AKAP8L: variants seen among roughly 807,000 people sequenced by gnomAD.
AKAP8L encodes A-kinase anchor protein 8-like.
Under a neutral mutation model 77.5 loss-of-function variants are expected in AKAP8L, and 34 were observed. The ratio of observed to expected loss-of-function variants is 0.44; its 90% CI spans 0.33 to 0.58. The LOEUF (loss-of-function observed/expected upper bound fraction) is 0.58. AKAP8L is among the 20% of genes least tolerant of loss of function. AKAP8L has a pLI of 0.02. For synonymous variants in AKAP8L, 342 were observed against 340.7 expected (o/e 1.00, Z -0.04); for missense variants, 806 against 887.6 (o/e 0.91, Z 1.17).
Position 15,397,915 on chromosome 19 carries a change from G to GCCTCAC in AKAP8L, c.1158-66_1158-61dup. The GCCTCAC allele has an allele frequency of 1.3e-6, 2 of 1,573,566 alleles. No individual in the cohort carries two copies. The highest frequency in any genetic ancestry group is 1.7e-6 in the Non-Finnish European group (2 of 1,159,556). On this transcript the variant is annotated intron_variant, in intron 9 of 13. Transcript: ENST00000397410. The surrounding 1 kb of genome is among the most constrained non-coding windows in gnomAD (Gnocchi z 4.7). Reference sequence around the variant, plus strand: ...AAGTGTCCCAGGGGATAGTGCTGCCGCCTCACCCAACCCAGACACAAGCCC... The same window carrying GCCTCAC: ...AAGTGTCCCAGGGGATAGTGCTGCCGCCTCACCCTCACCCAACCCAGACACAAGCCC...
chr19:15,412,137 G>A (rs928600921), intron 1 of AKAP8L, among the ~76,000 whole-genome samples: 2 of 152,190 alleles, frequency 1.3e-5, no homozygotes, highest in Admixed American at 6.6e-5. Context: ...GAACCCAGGA[G>A]GCAGAGGTTG....
chr19:15,397,420 C>T lies in AKAP8L; in HGVS notation c.1405+100G>A. 1 of 1,486,300 alleles carries T rather than the reference C, an allele frequency of 6.7e-7. No homozygotes were observed. The highest frequency in any genetic ancestry group is 9.3e-7 in the Non-Finnish European group (1 of 1,080,652). The allele number at this position is 1,486,300 out of a possible 1,614,324, so 92.1% of individuals were successfully genotyped here. On this transcript the variant is annotated intron_variant, in intron 11 of 13. Coordinates refer to ENST00000397410, the MANE Select transcript of AKAP8L (RefSeq NM_014371.4). This position sits in a 1 kb window ranked among gnomAD's most constrained non-coding sequence, Gnocchi z 4.7. ...GCCTGAGCCAAGGCTGGTCTCCTGA[C>T]CTTCCCTGGGGGAACAGAAGGGTGT...
rs1367852181 is a variant in AKAP8L, at chr19:15,380,311, G to T, written c.1752C>A (p.Gly584=). 7 of 1,532,238 alleles carry T rather than the reference G, an allele frequency of 4.6e-6. No individual in the cohort carries two copies. The Admixed American group carries it at 1.4e-4, about 31-fold the overall frequency. The allele number at this position is 1,532,238 out of a possible 1,614,324, so 94.9% of individuals were successfully genotyped here. Residue 584 remains glycine, a synonymous_variant, in exon 14 of 14, where the codon GGC becomes GGA. Transcript: ENST00000397410. The part of the protein sequence containing the change: ...EAAGISEGAE[G]VPAQPPVPPE... ...GGGGCACGGGAGGCTGCGCCGGCAC[G>T]CCCTCTGCGCCCTCCGAGATCCCTG... is the stretch of plus-strand genomic sequence containing the variant.
Position 15,380,088 on chromosome 19 carries a change from C to T in AKAP8L, c.*34G>A. Reference sequence around the variant, plus strand: ...CTTTATTAGGTTTGGTTTCCAGCTTCGGCCACGCGGGCTCCGCCCGCCCCG... The same window carrying T: ...CTTTATTAGGTTTGGTTTCCAGCTTTGGCCACGCGGGCTCCGCCCGCCCCG... On this transcript the variant is annotated 3_prime_UTR_variant, in exon 14 of 14. Coordinates refer to ENST00000397410, the MANE Select transcript of AKAP8L (RefSeq NM_014371.4). 1 of 1,449,760 alleles carries T rather than the reference C, an allele frequency of 6.9e-7. No individual in the cohort carries two copies. Among genetic ancestry groups the T allele is most frequent in the South Asian group, 1.3e-5 (1 of 74,084 alleles). 89.8% of individuals were successfully genotyped at this position (1,449,760 alleles called of 1,614,324 possible). A position where few individuals can be genotyped will look rare whatever the true frequency, so the allele number is the denominator to read the frequency against.
At chr19:15,400,042 C>G in intron 8 of AKAP8L, 2 of 560,600 alleles carry the variant, frequency 3.6e-6, no homozygotes, top group Non-Finnish European at 6.3e-6. Flanking sequence ...ACTAGCTGCC[C>G]CCATCTGAAG....
At chr19:15,394,513 G>C (rs1051438274) in intron 12 of AKAP8L, among the ~76,000 whole-genome samples, 27 of 152,104 alleles carry the variant, frequency 1.8e-4, no homozygotes, top group African/African-American at 5.5e-4. Context: ...CTGTGAATAC[G>C]TGAAAAACCA....
chr19:15,380,729 C>G (rs1465330633), intron 12 of AKAP8L, 117 bp from the exon 13 acceptor site: 16 of 850,346 alleles, frequency 1.9e-5, no homozygotes, highest in Non-Finnish European at 3.0e-5. Context: ...CACTTCCAGC[C>G]CCACCAACGG....
intron 12 of AKAP8L, among the ~76,000 whole-genome samples, chr19:15,386,801 A>C (rs933374735): frequency 4.6e-5 from 7 of 152,194 alleles, no homozygotes; most frequent in African/African-American, 1.7e-4. Flanking sequence ...TGGGATTACA[A>C]GTGCCCGCCA....
intron 1 of AKAP8L, 68 bp downstream of exon 1, chr19:15,418,843 T>A (rs1324163990): frequency 6.6e-7 from 1 of 1,507,792 alleles, no homozygotes; most frequent in African/African-American, 1.4e-5. Flanking sequence ...CGGGCAAGCC[T>A]GGTGCGGCAT....
intron 1 of AKAP8L, among the ~76,000 whole-genome samples, chr19:15,411,835 G>T (rs977436982): frequency 3.9e-5 from 6 of 151,984 alleles, no homozygotes; most frequent in African/African-American, 1.4e-4. Context: ...GGGTGGACTG[G>T]TTGAGGCCAG....
chr19:15,416,523 A>AG (rs1236577930), intron 1 of AKAP8L, among the ~76,000 whole-genome samples: 1 of 152,206 alleles, frequency 6.6e-6, no homozygotes, highest in Non-Finnish European at 1.5e-5. Context: ...GTCACCTTGG[A>AG]GGTGGGACCT....
chr19:15,416,001 A>T (rs1053446797), intron 1 of AKAP8L, among the ~76,000 whole-genome samples: 4 of 151,966 alleles, frequency 2.6e-5, no homozygotes, highest in African/African-American at 7.3e-5. Flanking sequence ...TTTTATTTTT[A>T]ATTTTTATAG....
At position 15,397,524 on chromosome 19, in the gene AKAP8L, G is replaced by T. The variant is rs1175601679; in HGVS notation, c.1401C>A (p.Thr467=). 1 of 1,612,468 alleles carries T rather than the reference G, an allele frequency of 6.2e-7. No individual in the cohort carries two copies. Among genetic ancestry groups the T allele is most frequent in the Non-Finnish European group, 8.5e-7 (1 of 1,179,268 alleles). The change falls in exon 11 of 14, where the codon ACC becomes ACA. Residue 467 remains threonine (T), a synonymous_variant. Transcript: ENST00000397410. The surrounding 1 kb of genome is among the most constrained non-coding windows in gnomAD (Gnocchi z 4.7). ...IQQIYRDQDL[T]QEIAMEHFVK... is the part of the protein sequence containing the mutation. ...GTGGGCTGAAAATCTCCTCACCCTG[G>T]GTCAGATCCTGGTCTCTGTAGATTT...
intron 2 of AKAP8L, among the ~76,000 whole-genome samples, chr19:15,409,669 A>C (rs1169138707): frequency 6.6e-6 from 1 of 152,220 alleles, no homozygotes; most frequent in Admixed American, 6.5e-5. Flanking sequence ...CAGCTTTAAC[A>C]GCAGTCCGGG....
chr19:15,387,306 G>A (rs1242169075), intron 12 of AKAP8L, among the ~76,000 whole-genome samples: 1 of 152,142 alleles, frequency 6.6e-6, no homozygotes, highest in Non-Finnish European at 1.5e-5. Flanking sequence ...GTGAGAGCAC[G>A]GCCTTAAATC....
chr19:15,414,561 T>TCA (rs1727695366), intron 1 of AKAP8L, among the ~76,000 whole-genome samples: 4 of 152,146 alleles, frequency 2.6e-5, no homozygotes, highest in African/African-American at 9.6e-5. Flanking sequence ...CGATCTTGGC[T>TCA]CACTGCAAGC....
intron 12 of AKAP8L, among the ~76,000 whole-genome samples, chr19:15,389,742 G>A (rs1248486154): frequency 4.6e-5 from 7 of 152,172 alleles, no homozygotes; most frequent in African/African-American, 1.2e-4. Context: ...TTGCACTCCA[G>A]CCTGGCCACA....
intron 12 of AKAP8L, among the ~76,000 whole-genome samples, chr19:15,395,971 G>C (rs1299002391): frequency 3.8e-5 from 2 of 52,460 alleles, no homozygotes; most frequent in African/African-American, 1.7e-4. Context: ...GCGACAGAGC[G>C]AGACTCCGTC....
chr19:15,408,418 C>G (rs1370465053), intron 2 of AKAP8L, among the ~76,000 whole-genome samples: 1 of 151,978 alleles, frequency 6.6e-6, no homozygotes, highest in Non-Finnish European at 1.5e-5. Context: ...CAAAAATTAG[C>G]CAGGCGTGGT....
Sources: gnomAD v4.1 joint callset for allele counts (sites outside exome capture counted in the v4.1 genomes callset) on GRCh38, gnomAD v4.1.1 for gene constraint, Gnocchi (gnomAD v3.1) non-coding constraint, MANE v1.5 for transcripts, NCBI Gene and HGNC (gene_info 2026-07-23, HGNC 2026-07-21) for gene names.